CTBP2: variants seen among roughly 807,000 people sequenced by gnomAD.
CTBP2 encodes the protein C-terminal binding protein 2, also known as C-terminal-binding protein 2.
CTBP2 carries 30 observed loss-of-function variants against 80.3 expected under a neutral mutation model. That is an observed-to-expected ratio of 0.37 (90% CI 0.28 to 0.51). CTBP2 has a LOEUF of 0.51. CTBP2 is among the 20% of genes least tolerant of loss of function. The pLI, the probability that CTBP2 is intolerant of heterozygous loss-of-function variation, is 0.93. For synonymous variants in CTBP2, 594 were observed against 587.4 expected, an observed-to-expected ratio of 1.01 and a Z score of -0.16; for missense variants, 1,212 against 1,375.3, an observed-to-expected ratio of 0.88 and a Z score of 1.88.
chr10:124,991,320 C>T lies in CTBP2; in HGVS notation c.2777+1375G>A, dbSNP rs200708980. On this transcript the variant is annotated intron_variant, in intron 8 of 8. Transcript: ENST00000309035. ...CAGAAGGACTCTGGTCATTAGGGTC[C>T]CTTCCTCAGTGCACACATACTGTTC... 3.9e-5 allele frequency among the ~76,000 whole-genome samples: 6 copies of T among 152,170 alleles called. No individual in the cohort carries two copies. The East Asian group carries it at 9.6e-4, about 24-fold the overall frequency.
At chr10:125,161,602 G>A (rs1861899836), upstream of CTBP2, among the ~76,000 whole-genome samples, 2 of 152,186 alleles carry the variant, frequency 1.3e-5, no homozygotes, top group African/African-American at 4.8e-5. Context: ...TCCAGATCCG[G>A]GAGACCGTGC....
intron 1 of CTBP2, among the ~76,000 whole-genome samples, chr10:125,008,708 C>T (rs1215512131): frequency 1.3e-5 from 2 of 152,272 alleles, no homozygotes; most frequent in Non-Finnish European, 1.5e-5. Context: ...AAAGACTTTC[C>T]TCCCCGTCTA....
chr10:125,014,012 C>A (rs1232848521), intron 1 of CTBP2, among the ~76,000 whole-genome samples: 2 of 152,166 alleles, frequency 1.3e-5, no homozygotes, highest in African/African-American at 4.8e-5. Context: ...AGGCTTCTCA[C>A]GTGAGGCATG....
chr10:125,089,574 A>G (rs995950884), intron 2 of CTBP2, among the ~76,000 whole-genome samples: 1 of 152,162 alleles, frequency 6.6e-6, no homozygotes, highest in Non-Finnish European at 1.5e-5. Flanking sequence ...TGTGCAGATC[A>G]GGCAGGCACA....
intron 1 of CTBP2, among the ~76,000 whole-genome samples, chr10:125,150,259 C>A (rs557798230): frequency 6.6e-6 from 1 of 152,322 alleles, no homozygotes; most frequent in South Asian, 2.1e-4. Flanking sequence ...CTATCCCAGA[C>A]CACAAACATG....
chr10:125,133,866 C>T (rs751034818), intron 1 of CTBP2, among the ~76,000 whole-genome samples: 6 of 152,206 alleles, frequency 3.9e-5, no homozygotes, highest in Non-Finnish European at 8.8e-5. Flanking sequence ...CATTCCTATT[C>T]AGCCGACCAT....
chr10:125,161,151 T>C (rs968944197), upstream of CTBP2: 1 of 146,924 alleles, frequency 6.8e-6, no homozygotes, highest in African/African-American at 2.5e-5. Flanking sequence ...CTTCAGATAC[T>C]CCTCACTACA....
intron 2 of CTBP2, among the ~76,000 whole-genome samples, chr10:125,102,881 C>T (rs969680832): frequency 6.6e-6 from 1 of 152,216 alleles, no homozygotes; most frequent in African/African-American, 2.4e-5. Context: ...TTGCTGTCCT[C>T]ATCATCCCAG....
At chr10:125,157,364 A>G (rs1282614041) in intron 1 of CTBP2, among the ~76,000 whole-genome samples, 1 of 135,038 alleles carries the variant, frequency 7.4e-6, no homozygotes, top group East Asian at 2.5e-4. Context: ...ATTAAGGTAC[A>G]ATTAGAGAGG....
At chr10:125,010,426 C>A (rs1955748021) in intron 1 of CTBP2, among the ~76,000 whole-genome samples, 1 of 152,150 alleles carries the variant, frequency 6.6e-6, no homozygotes. Flanking sequence ...GTAGTATGTG[C>A]TCCCCCAGAA....
At chr10:125,115,734 A>C (rs1853139765) in intron 1 of CTBP2, among the ~76,000 whole-genome samples, 1 of 152,200 alleles carries the variant, frequency 6.6e-6, no homozygotes, top group African/African-American at 2.4e-5. Flanking sequence ...AATAGTCCTA[A>C]TCAGGTCATT....
chr10:125,026,257 C>A lies in CTBP2; in HGVS notation c.1503G>T (p.Pro501=). Residue 501 remains proline, a synonymous_variant, in exon 1 of 9, where the codon CCG becomes CCT. Transcript: ENST00000309035. ...GGGGGCTGCCGTGAGGGCTGGGCAG[C>A]GGAGAGGCGGCCACGTTGCGCTCCC... 3.1e-6 allele frequency: 5 copies of A among 1,613,800 alleles called. No individual in the cohort carries two copies. Among genetic ancestry groups the A allele is most frequent in the Non-Finnish European group, 4.2e-6 (5 of 1,179,926 alleles).
At chr10:125,105,739 G>A (rs543977216) in intron 2 of CTBP2, among the ~76,000 whole-genome samples, 6 of 152,138 alleles carry the variant, frequency 3.9e-5, no homozygotes, top group Non-Finnish European at 7.3e-5. Flanking sequence ...ATCAGCAATG[G>A]TAACGCATAA....
intron 1 of CTBP2, among the ~76,000 whole-genome samples, chr10:125,152,820 T>C (rs763077760): frequency 2.0e-5 from 3 of 152,220 alleles, no homozygotes; most frequent in Non-Finnish European, 4.4e-5. Context: ...GCTGGGCATC[T>C]ACGCTGAGCC....
intron 1 of CTBP2, among the ~76,000 whole-genome samples, chr10:125,014,913 C>A (rs1956313754): frequency 6.6e-6 from 1 of 152,224 alleles, no homozygotes. Context: ...GGCCAATCAT[C>A]AGATCTCACC....
At chr10:125,044,989 A>AAATTG (rs1298372837) in intron 2 of CTBP2, among the ~76,000 whole-genome samples, 9 of 152,216 alleles carry the variant, frequency 5.9e-5, no homozygotes, top group African/African-American at 2.2e-4. Flanking sequence ...TCAGAACGGC[A>AAATTG]GCTATGGACC....
intron 1 of CTBP2, among the ~76,000 whole-genome samples, chr10:125,131,310 G>A (rs1856142845): frequency 2.0e-5 from 3 of 152,174 alleles, no homozygotes; most frequent in Admixed American, 1.3e-4. Context: ...TTTACAGCCC[G>A]ACTTGCTTCT....
At chr10:125,072,503 G>T (rs993909835) in intron 2 of CTBP2, among the ~76,000 whole-genome samples, 1 of 151,752 alleles carries the variant, frequency 6.6e-6, no homozygotes, top group Non-Finnish European at 1.5e-5. Flanking sequence ...GTAATCCCAG[G>T]TCCTCGGGAG....
intron 2 of CTBP2, among the ~76,000 whole-genome samples, chr10:125,098,764 G>GAGAGAGAGAGAGAGAGAC (rs1850131636): frequency 1.9e-5 from 2 of 105,428 alleles, no homozygotes; most frequent in South Asian, 3.0e-4. Context: ...GAGAGAGAGA[G>GAGAGAGAGAGAGAGAGAC]AGAGAGAGAG....
Sources: gnomAD v4.1 joint callset for allele counts (sites outside exome capture counted in the v4.1 genomes callset) on GRCh38, gnomAD v4.1.1 for gene constraint, MANE v1.5 for transcripts, NCBI Gene and HGNC (gene_info 2026-07-23, HGNC 2026-07-21) for gene names.